The following ZNF398 variants were observed in gnomAD, a reference collection of about 807,000 sequenced individuals.
ZNF398 encodes zinc finger DNA binding protein ZER6.
A neutral mutation model predicts 41.9 loss-of-function variants in ZNF398; 18 were observed. The ratio of observed to expected loss-of-function variants is 0.43; its 90% CI spans 0.30 to 0.64. The LOEUF (loss-of-function observed/expected upper bound fraction) is 0.64. Among genes scored for constraint, ZNF398 ranks in the 30% least tolerant of loss-of-function variants. The probability of loss-of-function intolerance (pLI) is 0.14; values close to 1 mark genes in which losing one functional copy is unlikely to be tolerated. For synonymous variants in ZNF398, 260 were observed against 308.8 expected (o/e 0.84, Z 1.66); for missense variants, 669 against 822.8 (o/e 0.81, Z 2.29).
intron 2 of ZNF398, among the ~76,000 whole-genome samples, chr7:149,159,743 G>C (rs1415238325): frequency 6.6e-6 from 1 of 150,708 alleles, no homozygotes; most frequent in Non-Finnish European, 1.5e-5. Context: ...TTTTTTTTGA[G>C]ATGGAGTCTC....
At chr7:149,141,450 T>TTTC (rs1181800021) in intron 2 of ZNF398, among the ~76,000 whole-genome samples, 2 of 130,134 alleles carry the variant, frequency 1.5e-5, no homozygotes, top group Non-Finnish European at 3.3e-5. Context: ...TACTTTTCTT[T>TTTC]TTTTTCTTTT....
upstream of ZNF398, among the ~76,000 whole-genome samples, chr7:149,143,128 G>T (rs1432375997): frequency 7.4e-6 from 1 of 135,548 alleles, no homozygotes; most frequent in Non-Finnish European, 1.6e-5. Flanking sequence ...TGGCCAGAGC[G>T]AGACTCCATC....
intron 2 of ZNF398, among the ~76,000 whole-genome samples, chr7:149,132,959 A>C (rs961094455): frequency 6.6e-6 from 1 of 152,084 alleles, no homozygotes; most frequent in African/African-American, 2.4e-5. Flanking sequence ...TTAAAAGGAA[A>C]GCTTTACCGA....
Position 149,178,856 on chromosome 7 carries a change from G to T in ZNF398, c.984G>T (p.Gln328His). Residue 328 changes from glutamine to histidine, a missense_variant, in exon 6 of 6, where the codon CAG (glutamine) becomes CAT (histidine). Coordinates refer to ENST00000475153, the MANE Select transcript of ZNF398 (RefSeq NM_170686.3). Reference protein sequence around the residue: ...EASEGQVTFTQLGSYPLPPPV... With the variant: ...EASEGQVTFTHLGSYPLPPPV... ...CTGAGGGACAAGTGACTTTTACTCA[G>T]TTGGGTAGCTATCCCCTCCCACCTC... is the stretch of plus-strand genomic sequence containing the variant. 1.9e-6 allele frequency: 3 copies of T among 1,614,132 alleles called. No homozygotes were observed. Among genetic ancestry groups the T allele is most frequent in the Non-Finnish European group, 2.5e-6 (3 of 1,180,002 alleles).
At chr7:149,168,408 C>G (rs1795268236) in intron 4 of ZNF398, among the ~76,000 whole-genome samples, 4 of 151,934 alleles carry the variant, frequency 2.6e-5, no homozygotes, top group Admixed American at 6.6e-5. Context: ...ATTTCAAAAT[C>G]AGTGAAGACA....
upstream of ZNF398, among the ~76,000 whole-genome samples, chr7:149,144,567 C>T (rs1826893205): frequency 6.6e-6 from 1 of 152,012 alleles, no homozygotes; most frequent in Admixed American, 6.6e-5. Flanking sequence ...CCTCGGCCTC[C>T]CACTGTGCTC....
chr7:149,147,309 C>T (rs1334954360), upstream of ZNF398: 2 of 152,580 alleles, frequency 1.3e-5, no homozygotes, highest in Non-Finnish European at 2.9e-5. This position sits in a 1 kb window ranked among gnomAD's most constrained non-coding sequence, Gnocchi z 5.6. Context: ...TAACAACCCT[C>T]CCCACACCGA....
At chr7:149,174,317 A>G (rs926681957) in intron 4 of ZNF398, among the ~76,000 whole-genome samples, 2 of 151,836 alleles carry the variant, frequency 1.3e-5, no homozygotes, top group Non-Finnish European at 1.5e-5. Context: ...CCCCTTCCTC[A>G]AGTAATTGTA....
intron 1 of ZNF398, among the ~76,000 whole-genome samples, chr7:149,148,836 G>A (rs1198356827): frequency 7.7e-6 from 1 of 129,316 alleles, no homozygotes; most frequent in African/African-American, 2.8e-5. Context: ...AACATCATGA[G>A]ATTTATGCAC....
chr7:149,155,427 G>C (rs985223646), intron 2 of ZNF398, among the ~76,000 whole-genome samples: 1 of 151,806 alleles, frequency 6.6e-6, no homozygotes, highest in East Asian at 1.9e-4. Flanking sequence ...CTCCAACAAC[G>C]ACAAAAAAGA....
intron 1 of ZNF398, among the ~76,000 whole-genome samples, chr7:149,127,389 TA>T (rs33912807): frequency 0.78 from 114,412 of 146,486 alleles, 45,245 homozygotes; most frequent in East Asian, 0.99. Flanking sequence ...ATTAAAGGGT[TA>T]AAAAAAAAAA....
chr7:149,153,792 A>G (rs1037855048), intron 1 of ZNF398, among the ~76,000 whole-genome samples, 153 bp from the exon 2 acceptor site: 8 of 152,220 alleles, frequency 5.3e-5, no homozygotes, highest in African/African-American at 1.9e-4. Flanking sequence ...GATGCCAGTG[A>G]GCTCCAGAAA....
intron 2 of ZNF398, among the ~76,000 whole-genome samples, chr7:149,161,421 T>C (rs1490835760): frequency 6.6e-6 from 1 of 152,112 alleles, no homozygotes; most frequent in East Asian, 1.9e-4. Flanking sequence ...TGACTCGCCA[T>C]AGTGGCATGT....
At chr7:149,174,866 A>G (rs571926705) in intron 4 of ZNF398, among the ~76,000 whole-genome samples, 5 of 152,164 alleles carry the variant, frequency 3.3e-5, no homozygotes, top group African/African-American at 4.8e-5. Context: ...TTTTGAATGG[A>G]AAGTTAATCC....
chr7:149,146,532 A>C (rs1449574703), upstream of ZNF398, among the ~76,000 whole-genome samples: 1 of 151,304 alleles, frequency 6.6e-6, no homozygotes, highest in East Asian at 2.0e-4. Context: ...CCTGGACGAC[A>C]GAGGGAGACT....
Position 149,180,720 on chromosome 7 carries a change from C to G in ZNF398, c.*919C>G, listed in dbSNP as rs1195749677. ...TATCTTTTCCAAGCCAGTAAGTTGG[C>G]TTCTCCATTCCTGGTGTCTGATATT... On this transcript the variant is annotated 3_prime_UTR_variant, in exon 6 of 6. Transcript: ENST00000475153. 1 of 152,210 alleles carries G rather than the reference C, an allele frequency of 6.6e-6. No individual in the cohort carries two copies. The highest frequency in any genetic ancestry group is 1.5e-5 in the Non-Finnish European group (1 of 68,032). The allele number at this position is 152,210 out of a possible 1,614,324, so 9.4% of individuals were successfully genotyped here.
intron 3 of ZNF398, 132 bp from the exon 4 acceptor site, chr7:149,166,685 A>G: frequency 1.6e-6 from 1 of 620,464 alleles, no homozygotes; most frequent in Middle Eastern, 2.6e-4. Context: ...ATAGATGGGA[A>G]GAAGTGATAT....
intron 1 of ZNF398, chr7:149,148,382 C>T (rs1827016327): frequency 2.1e-6 from 2 of 971,170 alleles, no homozygotes; most frequent in East Asian, 2.3e-4. Context: ...GTTGCCAGGG[C>T]GACCGAGGCG....
At chr7:149,170,628 G>A (rs1242043735) in intron 4 of ZNF398, among the ~76,000 whole-genome samples, 11 of 152,024 alleles carry the variant, frequency 7.2e-5, no homozygotes, top group African/African-American at 2.2e-4. Context: ...CCAGCTACTC[G>A]GGAGGCCAAG....
Sources: gnomAD v4.1 joint callset for allele counts (sites outside exome capture counted in the v4.1 genomes callset) on GRCh38, gnomAD v4.1.1 for gene constraint, Gnocchi (gnomAD v3.1) non-coding constraint, MANE v1.5 for transcripts, NCBI Gene and HGNC (gene_info 2026-07-23, HGNC 2026-07-21) for gene names.